ATP8B1: variants seen among roughly 807,000 people sequenced by gnomAD.
ATP8B1 encodes the protein ATPase phospholipid transporting 8B1.
ATP8B1 carries 80 observed loss-of-function variants against 149.9 expected under a neutral mutation model. That is an observed-to-expected ratio of 0.53 (90% CI 0.45 to 0.64). ATP8B1 has a LOEUF of 0.64. ATP8B1 is among the 30% of genes least tolerant of loss of function. The probability of loss-of-function intolerance (pLI) is 0.00; values close to 1 mark genes in which losing one functional copy is unlikely to be tolerated. For missense variants in ATP8B1, 1,247 were observed against 1,552.6 expected (o/e 0.80, Z 3.31); for synonymous variants, 536 against 562.8 (o/e 0.95, Z 0.67).
At chr18:57,755,062 T>C (rs2080064124) in intron 1 of ATP8B1, among the ~76,000 whole-genome samples, 2 of 152,166 alleles carry the variant, frequency 1.3e-5, no homozygotes, top group African/African-American at 4.8e-5. Context: ...AAATAGAAAT[T>C]GTCTTTACAT....
Position 57,697,685 on chromosome 18 carries a change from C to G in ATP8B1, c.631G>C (p.Asp211His). 6.2e-7 allele frequency: 1 copy of G among 1,614,040 alleles called. No individual in the cohort carries two copies. The highest frequency in any genetic ancestry group is 8.5e-7 in the Non-Finnish European group (1 of 1,180,016). ...TCAGAGCTAGACAGCAGGAGAATGT[C>G]AGCCTGTCCAAAACAAAACACACAA... ...RLKKNDFVPA[D>H]ILLLSSSEPN... The change falls in exon 8 of 28, where the codon GAC becomes CAC. Residue 211 changes from aspartate to histidine, a missense_variant. Physicochemically the swap from Asp to His is moderately conservative, Grantham distance 81. This residue lies in a region of ATP8B1 where 853 missense variants were observed against 1,035.7 expected (regional missense o/e 0.82). Transcript: ENST00000648908.
At chr18:57,781,409 G>T (rs1019961587) in intron 1 of ATP8B1, among the ~76,000 whole-genome samples, 5 of 152,140 alleles carry the variant, frequency 3.3e-5, no homozygotes, top group Non-Finnish European at 7.4e-5. Flanking sequence ...AGAACCACCT[G>T]TTTTTGAGCT....
intron 1 of ATP8B1, among the ~76,000 whole-genome samples, chr18:57,793,328 C>G (rs1324288438): frequency 6.6e-6 from 1 of 152,096 alleles, no homozygotes; most frequent in African/African-American, 2.4e-5. Flanking sequence ...CTGTCTTTCT[C>G]AAGAATCTGA....
Position 57,674,910 on chromosome 18 carries a change from T to G in ATP8B1, c.1743A>C (p.Glu581Asp). ...ARTQNTITIS[E>D]LGTERTYNVL... ...CATTGTAAGTCCTTTCAGTGCCCAGTTCACTGATGGTGATGGTGTTCTGGG... is the reference window on the plus strand; with the variant it reads ...CATTGTAAGTCCTTTCAGTGCCCAGGTCACTGATGGTGATGGTGTTCTGGG... The change falls in exon 16 of 28, where the codon GAA (glutamate) becomes GAC (aspartate). Residue 581 changes from glutamate (E) to aspartate (D), a missense_variant. Glu to Asp is a conservative substitution (Grantham distance 45). This residue lies in a region of ATP8B1 where 853 missense variants were observed against 1,035.7 expected (regional missense o/e 0.82). Coordinates refer to ENST00000648908, the MANE Select transcript of ATP8B1 (RefSeq NM_001374385.1). 2 of 1,614,248 alleles carry G rather than the reference T, an allele frequency of 1.2e-6. No individual in the cohort carries two copies. The highest frequency in any genetic ancestry group is 1.7e-6 in the Non-Finnish European group (2 of 1,180,036).
chr18:57,663,923 T>A (rs167604), intron 20 of ATP8B1, among the ~76,000 whole-genome samples: 1 of 151,722 alleles, frequency 6.6e-6, no homozygotes, highest in Non-Finnish European at 1.5e-5. Flanking sequence ...GGCACCACCA[T>A]GCCCAGCTAA....
At chr18:57,695,029 CAAAAAAAAAAA>C in intron 10 of ATP8B1, 131 bp downstream of exon 10, 2 of 281,772 alleles carry the variant, frequency 7.1e-6, no homozygotes, top group African/African-American at 6.4e-5. Flanking sequence ...GACTCTGTCT[CAAAAAAAAAAA>C]AAAAAAAAAA....
At chr18:57,795,324 G>A (rs150332549) in intron 1 of ATP8B1, among the ~76,000 whole-genome samples, 118 of 151,978 alleles carry the variant, frequency 7.8e-4, no homozygotes, top group African/African-American at 2.4e-3. Flanking sequence ...GATGGCTTGA[G>A]CCCAGGAGTT....
intron 11 of ATP8B1, among the ~76,000 whole-genome samples, chr18:57,693,910 A>C (rs775076599): frequency 4.6e-5 from 7 of 152,038 alleles, no homozygotes; most frequent in Non-Finnish European, 1.0e-4. Context: ...TGGGAGAATT[A>C]AGTGCCTATT....
intron 2 of ATP8B1, among the ~76,000 whole-genome samples, chr18:57,713,811 G>C (rs79662949): frequency 5.9e-5 from 4 of 67,936 alleles, no homozygotes; most frequent in Non-Finnish European, 9.6e-5. Flanking sequence ...ATTTTTAGTA[G>C]AGACAGGGTT....
chr18:57,669,370 T>C lies in ATP8B1; in HGVS notation c.2045A>G (p.Asn682Ser). Residue 682 changes from asparagine to serine, a missense_variant, in exon 18 of 28, where the codon AAC (asparagine) becomes AGC (serine). Asn to Ser is a conservative substitution (Grantham distance 46, BLOSUM62 1). Coordinates refer to ENST00000648908, the MANE Select transcript of ATP8B1 (RefSeq NM_001374385.1). ...TACTTTATCCAGAGCTTCGTCCCGGTTGGTGGAGGCCACACTGGCAGCCAT... is the reference window on the plus strand; with the variant it reads ...TACTTTATCCAGAGCTTCGTCCCGGCTGGTGGAGGCCACACTGGCAGCCAT... ...KFMAASVAST[N>S]RDEALDKVYE... The C allele has an allele frequency of 6.2e-7, 1 of 1,613,940 alleles. No individual in the cohort carries two copies. Among genetic ancestry groups the C allele is most frequent in the African/African-American group, 1.3e-5 (1 of 75,042 alleles).
chr18:57,798,021 C>T (rs928727257), intron 1 of ATP8B1, among the ~76,000 whole-genome samples: 19 of 152,094 alleles, frequency 1.2e-4, no homozygotes, highest in African/African-American at 3.9e-4. Context: ...TGCTTTCTCA[C>T]CAAAGAAGAA....
intron 1 of ATP8B1, among the ~76,000 whole-genome samples, chr18:57,790,985 G>C (rs775588652): frequency 5.3e-5 from 8 of 152,118 alleles, no homozygotes; most frequent in African/African-American, 1.9e-4. Flanking sequence ...GCCTCCCAAA[G>C]TGCTGGGATT....
intron 1 of ATP8B1, among the ~76,000 whole-genome samples, chr18:57,734,515 G>A (rs978253761): frequency 6.6e-6 from 1 of 152,080 alleles, no homozygotes; most frequent in Non-Finnish European, 1.5e-5. Flanking sequence ...ATACTTCTTG[G>A]CGATTTGTAT....
chr18:57,727,147 C>T (rs141105234), intron 2 of ATP8B1, among the ~76,000 whole-genome samples: 138 of 152,190 alleles, frequency 9.1e-4, no homozygotes, highest in African/African-American at 3.1e-3. Context: ...CACCACCCTT[C>T]CCCATCAGTA....
At chr18:57,671,815 T>A (rs1911232153) in intron 16 of ATP8B1, among the ~76,000 whole-genome samples, 1 of 151,532 alleles carries the variant, frequency 6.6e-6, no homozygotes, top group African/African-American at 2.4e-5. Context: ...ACATTGGAGG[T>A]CTCACTATGT....
chr18:57,653,682 C>CTTT (rs71171057), intron 24 of ATP8B1, among the ~76,000 whole-genome samples: 192 of 117,790 alleles, frequency 1.6e-3, no homozygotes, highest in Non-Finnish European at 2.3e-3. Flanking sequence ...CCTCTTTTCT[C>CTTT]TTTTTTTTTT....
chr18:57,654,433 C>T (rs1403503910), intron 23 of ATP8B1, among the ~76,000 whole-genome samples: 1 of 152,032 alleles, frequency 6.6e-6, no homozygotes, highest in Non-Finnish European at 1.5e-5. Flanking sequence ...ATTCTTCTGC[C>T]TCAGCCTCCC....
Position 57,652,548 on chromosome 18 carries a change from G to A in ATP8B1, c.3197C>T (p.Pro1066Leu). 6.2e-7 allele frequency: 1 copy of A among 1,614,198 alleles called. No individual in the cohort carries two copies. Among genetic ancestry groups the A allele is most frequent in the South Asian group, 1.1e-5 (1 of 91,086 alleles). The change falls in exon 25 of 28, where the codon CCT becomes CTT. Residue 1066 changes from proline to leucine, a missense_variant. This residue lies in a region of ATP8B1 where 230 missense variants were observed against 356.6 expected (regional missense o/e 0.65). Transcript: ENST00000648908. ...LQTVGQDGEA[P>L]SDYQSFAVTI... ...GACGGCAAAAGACTGGTAGTCGGAAGGTGCCTCTCCATCCTGCCCTACGGT... is the reference window on the plus strand; with the variant it reads ...GACGGCAAAAGACTGGTAGTCGGAAAGTGCCTCTCCATCCTGCCCTACGGT...
intron 1 of ATP8B1, among the ~76,000 whole-genome samples, chr18:57,794,463 TAAAAAAAAAAA>T (rs58976028): frequency 1.8e-5 from 2 of 110,444 alleles, no homozygotes; most frequent in African/African-American, 3.5e-5. Context: ...AACCTGACAT[TAAAAAAAAAAA>T]AAAAAAAAAA....
Sources: gnomAD v4.1 joint callset for allele counts (sites outside exome capture counted in the v4.1 genomes callset) on GRCh38, gnomAD v4.1.1 for gene constraint, gnomAD v4.1.1 regional missense constraint, MANE v1.5 for transcripts, NCBI Gene and HGNC (gene_info 2026-07-23, HGNC 2026-07-21) for gene names.